MILR1: variants seen among roughly 807,000 people sequenced by gnomAD.
The protein encoded by MILR1 is allergin-1.
In MILR1, 31 loss-of-function variants were observed where a neutral mutation model predicts 18.5. The ratio of observed to expected loss-of-function variants is 1.68; its 90% CI spans 1.26 to 2.26. The LOEUF (loss-of-function observed/expected upper bound fraction) is 2.26. Ranked by LOEUF, MILR1 falls within the 30% of genes most tolerant of loss-of-function variation. The pLI, the probability that MILR1 is intolerant of heterozygous loss-of-function variation, is 0.00. For synonymous variants in MILR1, 85 were observed against 56.2 expected (o/e 1.51, Z -2.30); for missense variants, 257 against 157.4 (o/e 1.63, Z -3.38).
chr17:64,492,752 G>A, the MILR1 span: 1 of 1,612,272 alleles, frequency 6.2e-7, no homozygotes, highest in East Asian at 2.2e-5. Context: ...TACTAACGAA[G>A]CTTCAGTCTT....
At chr17:64,489,195 A>G in the MILR1 span, among the ~76,000 whole-genome samples, 1 of 151,786 alleles carries the variant, frequency 6.6e-6, no homozygotes, top group Non-Finnish European at 1.5e-5. Context: ...GGCCAAGTCT[A>G]GGACAATTTG....
At chr17:64,459,023 G>A (rs1161441315) in intron 4 of MILR1, among the ~76,000 whole-genome samples, 2 of 152,294 alleles carry the variant, frequency 1.3e-5, no homozygotes, top group Admixed American at 1.3e-4. Flanking sequence ...GGACTTCAGT[G>A]GGTTCTGTCC....
intron 8 of MILR1, among the ~76,000 whole-genome samples, chr17:64,467,262 T>G (rs1335779746): frequency 7.4e-6 from 1 of 135,346 alleles, no homozygotes; most frequent in Admixed American, 7.7e-5. Context: ...TGCACCACCA[T>G]GTCTGACTAA....
At chr17:64,482,920 T>A in the MILR1 span, 1 of 1,529,348 alleles carries the variant, frequency 6.5e-7, no homozygotes, top group African/African-American at 1.4e-5. Flanking sequence ...TTAACTCACC[T>A]GTCTTAGTTC....
At chr17:64,488,839 A>G in the MILR1 span, among the ~76,000 whole-genome samples, 1 of 152,070 alleles carries the variant, frequency 6.6e-6, no homozygotes, top group Non-Finnish European at 1.5e-5. Context: ...GTGGTGGCGC[A>G]CACCTATAGT....
intron 5 of MILR1, among the ~76,000 whole-genome samples, chr17:64,464,363 G>GCCTC (rs1306420750): frequency 1.3e-5 from 2 of 150,518 alleles, no homozygotes; most frequent in Non-Finnish European, 3.0e-5. Context: ...TCCTGCCTCA[G>GCCTC]CCTCCCAAAG....
the MILR1 span, chr17:64,492,568 T>A: frequency 1.4e-6 from 1 of 720,572 alleles, no homozygotes; most frequent in South Asian, 1.5e-5. Context: ...AATAGCTACA[T>A]ACATCAAATA....
intron 2 of MILR1, among the ~76,000 whole-genome samples, chr17:64,450,204 C>T (rs2037137638): frequency 6.6e-6 from 1 of 152,102 alleles, no homozygotes; most frequent in African/African-American, 2.4e-5. Flanking sequence ...TCCCAAAGTG[C>T]TGGGATTACA....
chr17:64,475,449 G>A, the MILR1 span, among the ~76,000 whole-genome samples: 1 of 151,898 alleles, frequency 6.6e-6, no homozygotes, highest in South Asian at 2.1e-4. Context: ...GGGAGTTCAA[G>A]ACCAGCCTGA....
At chr17:64,464,939 T>G (rs1267868444) in intron 5 of MILR1, among the ~76,000 whole-genome samples, 2 of 150,486 alleles carry the variant, frequency 1.3e-5, no homozygotes, top group Non-Finnish European at 3.0e-5. Context: ...AATACAAAAA[T>G]TAGCTGGGCA....
chr17:64,463,329 C>T (rs1455206232), intron 5 of MILR1, among the ~76,000 whole-genome samples: 3 of 152,038 alleles, frequency 2.0e-5, no homozygotes, highest in African/African-American at 7.2e-5. Flanking sequence ...TTTCATTCCT[C>T]ACGTCTTATG....
chr17:64,455,367 G>A (rs1034333068), intron 3 of MILR1, among the ~76,000 whole-genome samples: 1 of 152,090 alleles, frequency 6.6e-6, no homozygotes, highest in Admixed American at 6.6e-5. Flanking sequence ...TTTTAATGAG[G>A]CCTAAAACAT....
chr17:64,452,603 C>T lies in MILR1; in HGVS notation c.104C>T (p.Pro35Leu), dbSNP rs1381863193. 18 of 417,174 alleles carry T rather than the reference C, an allele frequency of 4.3e-5. No homozygotes were observed. In the South Asian group the frequency reaches 1.6e-3, roughly 36 times the overall value. The allele number at this position is 417,174 out of a possible 1,614,324, so 25.8% of individuals were successfully genotyped here. Reference protein sequence around the residue: ...DCEAMKTNEFPSPCLDSKTKV... With the variant: ...DCEAMKTNEFLSPCLDSKTKV... Reference sequence around the variant, plus strand: ...GTGTCATTTTGTTTTTCAGAATTCCCTTCTCCATGTTTGGACTCAAAGACT... The same window carrying T: ...GTGTCATTTTGTTTTTCAGAATTCCTTTCTCCATGTTTGGACTCAAAGACT... Residue 35 changes from proline (P) to leucine (L), a missense_variant, in exon 3 of 10, where the codon CCT (proline) becomes CTT (leucine). Coordinates refer to ENST00000619286, the MANE Select transcript of MILR1 (RefSeq NM_001085423.2).
At chr17:64,488,913 C>T in the MILR1 span, among the ~76,000 whole-genome samples, 60 of 151,944 alleles carry the variant, frequency 3.9e-4, no homozygotes, top group African/African-American at 1.4e-3. Context: ...ACACTGCACT[C>T]CAGCCTGGGC....
Position 64,449,223 on chromosome 17 carries a change from T to C in MILR1, c.55T>C (p.Cys19Arg), listed in dbSNP as rs1021776119. The C allele has an allele frequency of 4.2e-6, 2 of 473,462 alleles. No homozygotes were observed. Among genetic ancestry groups the C allele is most frequent in the African/African-American group, 4.0e-5 (2 of 50,508 alleles). The allele number at this position is 473,462 out of a possible 1,614,324, so 29.3% of individuals were successfully genotyped here. The change falls in exon 1 of 10, where the codon TGT becomes CGT. Residue 19 changes from cysteine to arginine, a missense_variant and splice_region_variant. By Grantham distance (180) the Cys-to-Arg change is radical. Transcript: ENST00000619286. ...CTGGAGCATATTTTCTTCTGTCACTTGTAAGCCCCCCTTATCATTCTGAGG... is the reference window on the plus strand; with the variant it reads ...CTGGAGCATATTTTCTTCTGTCACTCGTAAGCCCCCCTTATCATTCTGAGG... ...LFWSIFSSVT[C>R]RKAVLDCEAM...
rs1158127114 is a variant in MILR1, at chr17:64,452,993, C to CT, written c.367+134dup. ...AAAGTATGTTACTGCGAGCTTTATT[C>CT]TTTTTTTATTTTTTATTTATTTTTA... On this transcript the variant is annotated intron_variant, in intron 3 of 9. Transcript: ENST00000619286. 5 of 408,968 alleles carry CT rather than the reference C, an allele frequency of 1.2e-5. No homozygotes were observed. In the East Asian group the frequency reaches 1.8e-4, roughly 15 times the overall value. 25.3% of individuals were successfully genotyped at this position (408,968 alleles called of 1,614,324 possible). A position where few individuals can be genotyped will look rare whatever the true frequency, so the allele number is the denominator to read the frequency against.
chr17:64,468,047 G>A (rs2037619109), intron 9 of MILR1: 1 of 348,324 alleles, frequency 2.9e-6, no homozygotes, highest in African/African-American at 2.2e-5. Context: ...CTGCCAGGGA[G>A]AGAGCCCACA....
rs1318751321 is a variant in MILR1 at position 64,457,583 on chromosome 17, C to T, written c.551C>T (p.Thr184Ile). The T allele has an allele frequency of 2.1e-6, 1 of 475,256 alleles. No individual in the cohort carries two copies. Among genetic ancestry groups the T allele is most frequent in the Non-Finnish European group, 3.9e-6 (1 of 259,080 alleles). The allele number at this position is 475,256 out of a possible 1,614,324, so 29.4% of individuals were successfully genotyped here. A position where few individuals can be genotyped will look rare whatever the true frequency, so the allele number is the denominator to read the frequency against. Residue 184 changes from threonine to isoleucine, a missense_variant, in exon 4 of 10, where the codon ACC becomes ATC. By Grantham distance (89) the Thr-to-Ile change is moderately conservative. Coordinates refer to ENST00000619286, the MANE Select transcript of MILR1 (RefSeq NM_001085423.2). ...AGGGAGCCTGCTGAATTTAACTTAA[C>T]CAAGAAGAATCCTGGAGAAGAGGAA... ...YDREPAEFNLTKKNPGEEEEY... is the reference protein window; with the variant it reads ...YDREPAEFNLIKKNPGEEEEY...
chr17:64,477,934 C>T, the MILR1 span: 1 of 1,613,972 alleles, frequency 6.2e-7, no homozygotes, highest in Admixed American at 1.7e-5. Flanking sequence ...TTAATCCATT[C>T]TCCAAAGTAG....
Sources: allele counts gnomAD v4.1 joint callset (sites outside exome capture counted in the v4.1 genomes callset), GRCh38; gene constraint gnomAD v4.1.1; transcripts MANE v1.5; gene names NCBI Gene and HGNC (gene_info 2026-07-23, HGNC 2026-07-21).